The following RNASEL variants were observed in gnomAD, a reference collection of about 807,000 sequenced individuals.
RNASEL encodes ribonuclease L.
A neutral mutation model predicts 50.9 loss-of-function variants in RNASEL; 36 were observed. The observed-to-expected ratio is 0.71, with a 90% confidence interval of 0.54 to 0.93. The LOEUF is 0.93. RNASEL is among the 40% of genes least tolerant of loss of function. The probability of loss-of-function intolerance (pLI) is 0.00; values close to 1 mark genes in which losing one functional copy is unlikely to be tolerated. For missense variants in RNASEL, 860 were observed against 894.5 expected, an observed-to-expected ratio of 0.96 and a Z score of 0.49; for synonymous variants, 335 against 335.6, an observed-to-expected ratio of 1.00 and a Z score of 0.02.
At position 182,575,446 on chromosome 1, in the gene RNASEL, C is replaced by T. The variant is rs36053738; in HGVS notation, c.2172G>A (p.Lys724=). The T allele has an allele frequency of 0.039, 63,315 of 1,614,144 alleles. 1,615 individuals carry two copies. Among genetic ancestry groups the T allele is most frequent in the Non-Finnish European group, 0.046 (54,542 of 1,180,016 alleles). Residue 724 remains lysine, a synonymous_variant, in exon 7 of 7, where the codon AAG becomes AAA. Transcript: ENST00000367559. ...CCCCACCAGCTCCATCACACTGAGG[C>T]TTGTTTGGACTGTGGGTTTGGGGGA... The part of the protein sequence containing the change: ...KHFPQTHSPN[K]PQCDGAGGAS...
intron 5 of RNASEL, chr1:182,580,084 A>G: frequency 2.5e-6 from 1 of 405,248 alleles, no homozygotes; most frequent in Non-Finnish European, 4.9e-6. Flanking sequence ...CTCAAGAACT[A>G]TGGCTGCCAC....
chr1:182,576,232 T>G lies in RNASEL; in HGVS notation c.2039+24A>C, dbSNP rs760635065. 3.3e-5 allele frequency: 53 copies of G among 1,597,820 alleles called. 1 individual carries two copies. In the Middle Eastern group the frequency reaches 2.2e-3, roughly 65 times the overall value. On this transcript the variant is annotated intron_variant, in intron 6 of 6. Transcript: ENST00000367559. ...AATTGTTCTCATTTCACATATAATT[T>G]GTAGGAATGAAAACAATACTTACTT...
At chr1:182,588,285 T>C (rs1040375661) in intron 1 of RNASEL, among the ~76,000 whole-genome samples, 20 of 152,190 alleles carry the variant, frequency 1.3e-4, no homozygotes, top group African/African-American at 4.8e-4. Context: ...CTTGGATTGT[T>C]GAATCTCAAT....
chr1:182,584,299 T>C, intron 2 of RNASEL, 133 bp from the exon 3 acceptor site: 1 of 700,918 alleles, frequency 1.4e-6, no homozygotes. Flanking sequence ...ACCTTATATC[T>C]GTATTTGCCA....
At chr1:182,579,760 C>A in intron 5 of RNASEL, 1 of 1,163,042 alleles carries the variant, frequency 8.6e-7, no homozygotes, top group Non-Finnish European at 1.1e-6. Flanking sequence ...AATAAAAGAA[C>A]AAGTTCCTCT....
At chr1:182,577,937 GAAGATT>G (rs1661421196) in intron 5 of RNASEL, among the ~76,000 whole-genome samples, 1 of 152,134 alleles carries the variant, frequency 6.6e-6, no homozygotes, top group South Asian at 2.1e-4. Context: ...GCCATATGTA[GAAGATT>G]AAAACTAGAC....
chr1:182,584,328 G>A (rs529040821), intron 2 of RNASEL, among the ~76,000 whole-genome samples, 162 bp from the exon 3 acceptor site: 1 of 152,264 alleles, frequency 6.6e-6, no homozygotes, highest in Non-Finnish European at 1.5e-5. Flanking sequence ...TCAAAACACT[G>A]CCATGTGCAC....
intron 1 of RNASEL, among the ~76,000 whole-genome samples, chr1:182,588,161 C>G (rs866747799): frequency 6.6e-6 from 1 of 152,030 alleles, no homozygotes. Flanking sequence ...TGTATGTAAC[C>G]CCATCATAAG....
At chr1:182,587,615 CAAAAAA>C (rs34085847) in intron 1 of RNASEL, among the ~76,000 whole-genome samples, 3 of 94,066 alleles carry the variant, frequency 3.2e-5, no homozygotes, top group East Asian at 5.2e-4. Flanking sequence ...AGGTGGCTTC[CAAAAAA>C]AAAAAAAAAA....
At chr1:182,575,729 T>C (rs1661366553) in intron 6 of RNASEL, 151 bp from the exon 7 acceptor site, 3 of 987,540 alleles carry the variant, frequency 3.0e-6, no homozygotes, top group Non-Finnish European at 4.6e-6. Context: ...ACTCCTCCCC[T>C]GACTCTTCAA....
intron 3 of RNASEL, among the ~76,000 whole-genome samples, chr1:182,582,706 G>A (rs202043300): frequency 6.6e-6 from 1 of 152,186 alleles, no homozygotes; most frequent in Non-Finnish European, 1.5e-5. Flanking sequence ...GGATTAGGCC[G>A]TGGCCAGGAG....
At position 182,575,551 on chromosome 1, in the gene RNASEL, G is replaced by C. The variant is rs753533983; in HGVS notation, c.2067C>G (p.Ser689=). The C allele has an allele frequency of 5.0e-6, 8 of 1,614,022 alleles. No individual in the cohort carries two copies. The African/African-American group carries it at 1.1e-4, about 22-fold the overall frequency. Residue 689 remains serine, a synonymous_variant, in exon 7 of 7, where the codon TCC becomes TCG. Coordinates refer to ENST00000367559, the MANE Select transcript of RNASEL (RefSeq NM_021133.4). ...KKMKLKIGDP[S]LYFQKTFPDL... Reference sequence around the variant, plus strand: ...CTGGAAATGTCTTCTGAAAATACAGGGAAGGGTCTCCAATTTTTAATTTCA... The same window carrying C: ...CTGGAAATGTCTTCTGAAAATACAGCGAAGGGTCTCCAATTTTTAATTTCA...
chr1:182,579,149 A>T, intron 5 of RNASEL: 2 of 679,374 alleles, frequency 2.9e-6, no homozygotes, highest in Non-Finnish European at 3.6e-6. Flanking sequence ...GGTAATGGTT[A>T]CACTAAAAGC....
intron 5 of RNASEL, chr1:182,577,180 C>T (rs1661405568): frequency 6.6e-6 from 1 of 151,094 alleles, no homozygotes; most frequent in East Asian, 2.0e-4. Flanking sequence ...CCACACCTGG[C>T]AAAAAAATTA....
In RNASEL at chr1:182,585,599, C is replaced by T. The variant is rs141194514; in HGVS notation, c.1208G>A (p.Arg403Gln). 30 of 1,614,076 alleles carry T rather than the reference C, an allele frequency of 1.9e-5. No homozygotes were observed. The highest frequency in any genetic ancestry group is 2.4e-5 in the Non-Finnish European group (28 of 1,180,052). ...GCTGCTTTGCAGACAAGAGACTTCC[C>T]GCTGTGCACGTGGGCTGCCCTCACA... ...TFCEGSPRAQREVSCLQSSRE... is the reference protein window; with the variant it reads ...TFCEGSPRAQQEVSCLQSSRE... The change falls in exon 2 of 7, where the codon CGG (arginine) becomes CAG (glutamine). Residue 403 changes from arginine to glutamine, a missense_variant. Transcript: ENST00000367559.
In RNASEL at chr1:182,574,651, G is replaced by C. The variant is rs995560805; in HGVS notation, c.*741C>G. The C allele has an allele frequency of 1.3e-5, 3 of 232,648 alleles. No homozygotes were observed. Among genetic ancestry groups the C allele is most frequent in the Middle Eastern group, 1.2e-3 (1 of 808 alleles). The allele number at this position is 232,648 out of a possible 1,614,324, so 14.4% of individuals were successfully genotyped here. ...TGGTCTTTACCCACTAAATGCCATAGCATGCTCCCCACAAAGCTGTGACAC... is the reference window on the plus strand; with the variant it reads ...TGGTCTTTACCCACTAAATGCCATACCATGCTCCCCACAAAGCTGTGACAC... On this transcript the variant is annotated 3_prime_UTR_variant, in exon 7 of 7. Transcript: ENST00000367559.
intron 5 of RNASEL, chr1:182,578,489 T>C (rs1188514328): frequency 6.6e-6 from 1 of 152,230 alleles, no homozygotes; most frequent in Admixed American, 6.5e-5. Flanking sequence ...TTGATGAGGA[T>C]GCAGAGAAAA....
rs769162880 is a variant in RNASEL at position 182,585,958 on chromosome 1, G to A, written c.849C>T (p.Leu283=). 1.2e-6 allele frequency: 2 copies of A among 1,614,146 alleles called. No individual in the cohort carries two copies. The highest frequency in any genetic ancestry group is 1.7e-6 in the Non-Finnish European group (2 of 1,180,032). The change falls in exon 2 of 7, where the codon CTC becomes CTT. Residue 283 remains leucine (L), a synonymous_variant. Transcript: ENST00000367559. Reference sequence around the variant, plus strand: ...GCAACTCGGCGATTTTCTTCAGTTTGAGTTCAACAGCAAGCAGCAGTGCTG... The same window carrying A: ...GCAACTCGGCGATTTTCTTCAGTTTAAGTTCAACAGCAAGCAGCAGTGCTG... ...GKTALLLAVE[L]KLKKIAELLC...
chr1:182,578,387 C>T (rs1292649630), intron 5 of RNASEL: 7 of 152,204 alleles, frequency 4.6e-5, no homozygotes, highest in Non-Finnish European at 8.8e-5. Context: ...AAATGCTTAA[C>T]ATCACTAATC....
Sources: gnomAD v4.1 joint callset for allele counts (sites outside exome capture counted in the v4.1 genomes callset) on GRCh38, gnomAD v4.1.1 for gene constraint, MANE v1.5 for transcripts, NCBI Gene and HGNC (gene_info 2026-07-23, HGNC 2026-07-21) for gene names.